The following FAM135B variants were observed in gnomAD, a reference collection of about 807,000 sequenced individuals.
FAM135B encodes family with sequence similarity 135 member B, also known as protein FAM135B.
Under a neutral mutation model 127.7 loss-of-function variants are expected in FAM135B, and 43 were observed. That is an observed-to-expected ratio of 0.34 (90% CI 0.26 to 0.43). The LOEUF (loss-of-function observed/expected upper bound fraction) is 0.43, where lower values mean the gene tolerates loss of function less well. Among genes scored for constraint, FAM135B ranks in the 20% least tolerant of loss-of-function variants. FAM135B has a pLI of 1.00. For synonymous variants in FAM135B, 670 were observed against 665.1 expected (o/e 1.01, Z -0.11); for missense variants, 1,558 against 1,725.6 (o/e 0.90, Z 1.72).
At position 138,242,252 on chromosome 8, in the gene FAM135B, A is replaced by G. The variant is rs1440945489; in HGVS notation, c.669+690T>C. 6.8e-6 allele frequency among the ~76,000 whole-genome samples: 1 copy of G among 147,844 alleles called. No homozygotes were observed. Among genetic ancestry groups the G allele is most frequent in the African/African-American group, 2.5e-5 (1 of 39,730 alleles). On this transcript the variant is annotated intron_variant, in intron 7 of 19. Transcript: ENST00000395297. The surrounding 1 kb of genome is among the most constrained non-coding windows in gnomAD (Gnocchi z 9.6). The stretch of plus-strand genomic sequence containing the variant: ...CTGTATTGGTCCTGTTTCTCTGGAG[A>G]ACCCTGAATAATACAGGCTGTTTAT...
At chr8:138,424,450 C>T (rs1002603254) in intron 1 of FAM135B, among the ~76,000 whole-genome samples, 29 of 152,090 alleles carry the variant, frequency 1.9e-4, no homozygotes, top group Admixed American at 5.2e-4. Context: ...ATCTTCAATA[C>T]CTTCTTAGAT....
intron 2 of FAM135B, among the ~76,000 whole-genome samples, chr8:138,322,358 T>G (rs945891136): frequency 6.6e-6 from 1 of 152,132 alleles, no homozygotes; most frequent in Non-Finnish European, 1.5e-5. Context: ...CTGGTCTGGC[T>G]AGGGGAGGAG....
rs1817135339 is a variant in FAM135B at position 138,141,409 on chromosome 8, G to A, written c.3639-60C>T. The stretch of plus-strand genomic sequence containing the variant: ...ACGGTGAATGCTGCTGCCCAAGAGT[G>A]CAGTGCTGGAAGCATCAGGGGCCAT... On this transcript the variant is annotated intron_variant, in intron 16 of 19. Coordinates refer to ENST00000395297, the MANE Select transcript of FAM135B (RefSeq NM_015912.4). This position sits in a 1 kb window ranked among gnomAD's most constrained non-coding sequence, Gnocchi z 4.7. 6.4e-7 allele frequency: 1 copy of A among 1,561,372 alleles called. No homozygotes were observed. Among genetic ancestry groups the A allele is most frequent in the Non-Finnish European group, 8.8e-7 (1 of 1,135,648 alleles).
chr8:138,145,473 A>G (rs1817571301), intron 15 of FAM135B, among the ~76,000 whole-genome samples: 3 of 152,122 alleles, frequency 2.0e-5, no homozygotes, highest in Admixed American at 2.0e-4. Context: ...TCCTGTGAGG[A>G]GATGGTGGTA....
At chr8:138,428,848 T>C (rs1217056478) in intron 1 of FAM135B, among the ~76,000 whole-genome samples, 1 of 152,216 alleles carries the variant, frequency 6.6e-6, no homozygotes. Context: ...TACCTCGAAA[T>C]TTAATTTGAA....
chr8:138,261,821 G>A (rs1258286917), intron 4 of FAM135B, among the ~76,000 whole-genome samples: 3 of 152,094 alleles, frequency 2.0e-5, no homozygotes, highest in African/African-American at 7.2e-5. Flanking sequence ...TGATGAATAG[G>A]CATTTCATAA....
chr8:138,193,164 G>A (rs531527143), intron 9 of FAM135B, among the ~76,000 whole-genome samples: 5 of 152,186 alleles, frequency 3.3e-5, no homozygotes, highest in Non-Finnish European at 7.3e-5. Flanking sequence ...GAGGCAGAAG[G>A]CCTGCTGCAT....
At chr8:138,316,448 C>A (rs1300996437) in intron 2 of FAM135B, among the ~76,000 whole-genome samples, 1 of 151,504 alleles carries the variant, frequency 6.6e-6, no homozygotes, top group Non-Finnish European at 1.5e-5. Context: ...GAGCGGAGAT[C>A]GCGCCACAGC....
Position 138,390,509 on chromosome 8 carries a change from G to A in FAM135B, c.-19-22507C>T, listed in dbSNP as rs150695296. ...TTTCTTTATAAATTACCTAGTCTCAGGTCTATCTTTATCAGCACCATGAAA... is the reference window on the plus strand; with the variant it reads ...TTTCTTTATAAATTACCTAGTCTCAAGTCTATCTTTATCAGCACCATGAAA... On this transcript the variant is annotated intron_variant, in intron 1 of 19. Transcript: ENST00000395297. Among the ~76,000 whole-genome samples the A allele has an allele frequency of 7.2e-5, 11 of 152,114 alleles. No individual in the cohort carries two copies. The East Asian group carries it at 2.1e-3, about 29-fold the overall frequency.
At chr8:138,335,327 C>A (rs1295833301) in intron 2 of FAM135B, among the ~76,000 whole-genome samples, 1 of 152,162 alleles carries the variant, frequency 6.6e-6, no homozygotes, top group Non-Finnish European at 1.5e-5. Context: ...GCACCCTCAT[C>A]ATCTTATTAT....
Position 138,158,471 on chromosome 8 carries a change from C to T in FAM135B, c.1259-5255G>A, listed in dbSNP as rs1028122177. On this transcript the variant is annotated intron_variant, in intron 12 of 19. Coordinates refer to ENST00000395297, the MANE Select transcript of FAM135B (RefSeq NM_015912.4). ...CAAATTAAACTAAAGAGCTTCTGCA[C>T]AGCAAAAGAAACTACCATCAGAGTG... Among the ~76,000 whole-genome samples the T allele has an allele frequency of 1.2e-4, 18 of 152,170 alleles. 2 individuals carry two copies. The highest frequency in any genetic ancestry group is 1.2e-3 in the Admixed American group (18 of 15,278).
rs79336510 is a variant in FAM135B at position 138,265,105 on chromosome 8, T to A, written c.297+598A>T. Among the ~76,000 whole-genome samples, 812 of 152,272 alleles carry A rather than the reference T, an allele frequency of 5.3e-3. 9 individuals are homozygous for A. The highest frequency in any genetic ancestry group is 0.018 in the African/African-American group (759 of 41,556). ...CTCCCCAAGGCCTCGGGGCTTGCAATGATGCTGTTTCCCCTTGTTCGATGC... is the reference window on the plus strand; with the variant it reads ...CTCCCCAAGGCCTCGGGGCTTGCAAAGATGCTGTTTCCCCTTGTTCGATGC... On this transcript the variant is annotated intron_variant, in intron 4 of 19. Transcript: ENST00000395297.
intron 2 of FAM135B, among the ~76,000 whole-genome samples, chr8:138,344,163 G>T (rs537207126): frequency 6.2e-4 from 94 of 152,332 alleles, no homozygotes; most frequent in African/African-American, 1.9e-3. Flanking sequence ...GGTATCTTAC[G>T]AATGTGAGCC....
rs77110768 is a variant in FAM135B, at chr8:138,479,144, G to A, written c.-20+17527C>T. Among the ~76,000 whole-genome samples, 809 of 152,282 alleles carry A rather than the reference G, an allele frequency of 5.3e-3. 5 individuals carry two copies. The highest frequency in any genetic ancestry group is 0.019 in the African/African-American group (769 of 41,554). Reference sequence around the variant, plus strand: ...ATACATCAGGCCAGGTATGGAAAGCGGTGTGGAACTTCCATGCCCTCTCCA... The same window carrying A: ...ATACATCAGGCCAGGTATGGAAAGCAGTGTGGAACTTCCATGCCCTCTCCA... On this transcript the variant is annotated intron_variant, in intron 1 of 19. Coordinates refer to ENST00000395297, the MANE Select transcript of FAM135B (RefSeq NM_015912.4).
At chr8:138,472,967 T>A (rs1050565141) in intron 1 of FAM135B, among the ~76,000 whole-genome samples, 1 of 152,250 alleles carries the variant, frequency 6.6e-6, no homozygotes, top group Admixed American at 6.5e-5. Context: ...GTCCTGCACA[T>A]CCATGATAGG....
At chr8:138,397,343 C>T (rs1445732368) in intron 1 of FAM135B, among the ~76,000 whole-genome samples, 2 of 151,974 alleles carry the variant, frequency 1.3e-5, no homozygotes, top group African/African-American at 2.4e-5. Context: ...ATGGGTAAGC[C>T]CAGGGCCATG....
chr8:138,442,323 T>C (rs1221313128), intron 1 of FAM135B, among the ~76,000 whole-genome samples: 1 of 142,266 alleles, frequency 7.0e-6, no homozygotes, highest in African/African-American at 2.6e-5. Context: ...ACAATGTATA[T>C]GTTTGGTTGT....
At chr8:138,347,381 G>T (rs1220242662) in intron 2 of FAM135B, among the ~76,000 whole-genome samples, 1 of 152,158 alleles carries the variant, frequency 6.6e-6, no homozygotes, top group African/African-American at 2.4e-5. Context: ...GAACAAAAGA[G>T]ATGGCAATGC....
At position 138,152,475 on chromosome 8, in the gene FAM135B, T is replaced by C. The variant is rs747947242; in HGVS notation, c.2000A>G (p.Glu667Gly). Residue 667 changes from glutamate to glycine, a missense_variant, in exon 13 of 20, where the codon GAG becomes GGG. Transcript: ENST00000395297. The part of the protein sequence containing the change: ...SLKDSHTEEQ[E>G]ELSVLSGVIK... ...GACCCCGGATAGCACTGAGAGTTCC[T>C]CCTGCTCTTCTGTGTGAGAGTCCTT... is the stretch of plus-strand genomic sequence containing the variant. The C allele has an allele frequency of 1.2e-6, 2 of 1,614,188 alleles. No homozygotes were observed. Among genetic ancestry groups the C allele is most frequent in the Non-Finnish European group, 1.7e-6 (2 of 1,180,040 alleles).
Sources: allele counts gnomAD v4.1 joint callset (sites outside exome capture counted in the v4.1 genomes callset), GRCh38; gene constraint gnomAD v4.1.1; non-coding constraint Gnocchi (gnomAD v3.1); transcripts MANE v1.5; gene names NCBI Gene and HGNC (gene_info 2026-07-23, HGNC 2026-07-21).